The following XNDC1N variants were observed in gnomAD, a reference collection of about 807,000 sequenced individuals.
XNDC1N encodes protein XNDC1N.
the XNDC1N span, among the ~76,000 whole-genome samples, chr11:71,925,549 C>G: frequency 2.6e-5 from 4 of 152,160 alleles, no homozygotes; most frequent in African/African-American, 9.7e-5. Flanking sequence ...TTAAAGCTCA[C>G]TATTCCCACT....
At chr11:71,888,152 C>A in the XNDC1N span, among the ~76,000 whole-genome samples, 3 of 152,178 alleles carry the variant, frequency 2.0e-5, no homozygotes, top group Non-Finnish European at 2.9e-5. Flanking sequence ...CCTACACCGG[C>A]ACCTGGAGGA....
chr11:71,921,324 T>A, the XNDC1N span, among the ~76,000 whole-genome samples: 1 of 152,076 alleles, frequency 6.6e-6, no homozygotes, highest in Non-Finnish European at 1.5e-5. Context: ...AACTAACTTT[T>A]GTAGAGATGG....
the XNDC1N span, among the ~76,000 whole-genome samples, chr11:71,901,893 T>A: frequency 6.6e-6 from 1 of 152,002 alleles, no homozygotes; most frequent in African/African-American, 2.4e-5. Context: ...GAATTTTAGA[T>A]ATATTCCTTA....
the XNDC1N span, among the ~76,000 whole-genome samples, chr11:71,905,804 G>C: frequency 1.6e-3 from 239 of 152,116 alleles, no homozygotes; most frequent in African/African-American, 5.5e-3. Context: ...TACACCAACT[G>C]TGATATTAGG....
the XNDC1N span, among the ~76,000 whole-genome samples, chr11:71,905,664 TG>T: frequency 6.6e-6 from 1 of 151,974 alleles, no homozygotes; most frequent in African/African-American, 2.4e-5. Flanking sequence ...GTACACCCAC[TG>T]TGTTATTAGA....
the XNDC1N span, among the ~76,000 whole-genome samples, chr11:71,872,181 C>T: frequency 6.6e-6 from 1 of 152,014 alleles, no homozygotes; most frequent in Non-Finnish European, 1.5e-5. Context: ...ATATATAACC[C>T]CCACACTCCC....
the XNDC1N span, among the ~76,000 whole-genome samples, chr11:71,877,685 A>C: frequency 3.9e-4 from 60 of 152,344 alleles, no homozygotes; most frequent in African/African-American, 1.4e-3. Context: ...ACCCTCTTTA[A>C]GCATTCCCTA....
chr11:71,893,386 G>A, the XNDC1N span: 4 of 675,106 alleles, frequency 5.9e-6, no homozygotes, highest in Non-Finnish European at 5.5e-6. Flanking sequence ...CTTGTGAATT[G>A]CTTGCATCCA....
the XNDC1N span, chr11:71,884,373 A>T: frequency 6.5e-7 from 1 of 1,538,066 alleles, no homozygotes; most frequent in African/African-American, 1.4e-5. Context: ...AGTAAGTAAT[A>T]TTGTGTCATA....
chr11:71,883,343 T>C, the XNDC1N span, among the ~76,000 whole-genome samples: 74 of 152,242 alleles, frequency 4.9e-4, no homozygotes, highest in African/African-American at 1.7e-3. Flanking sequence ...TCAAAATGTA[T>C]TATAAAGATA....
the XNDC1N span, among the ~76,000 whole-genome samples, chr11:71,913,555 A>T: frequency 6.7e-6 from 1 of 150,306 alleles, no homozygotes; most frequent in Admixed American, 6.7e-5. Flanking sequence ...GCTACTCGGG[A>T]GGCTGAGGCA....
chr11:71,902,189 CT>C, the XNDC1N span, among the ~76,000 whole-genome samples: 7 of 152,084 alleles, frequency 4.6e-5, no homozygotes, highest in South Asian at 4.1e-4. Context: ...TTACTTGATT[CT>C]TTTTGTTTTT....
chr11:71,903,150 A>T, the XNDC1N span: 10 of 671,658 alleles, frequency 1.5e-5, no homozygotes, highest in Admixed American at 4.2e-5. Context: ...CCGATTTTTC[A>T]ACCCTCTTTT....
chr11:71,883,471 C>T, the XNDC1N span, among the ~76,000 whole-genome samples: 9 of 152,068 alleles, frequency 5.9e-5, no homozygotes, highest in South Asian at 2.1e-4. Flanking sequence ...AACAAACATG[C>T]GAAGAATATA....
chr11:71,894,656 C>G, the XNDC1N span, among the ~76,000 whole-genome samples: 1 of 152,186 alleles, frequency 6.6e-6, no homozygotes, highest in East Asian at 1.9e-4. Flanking sequence ...AGTTTCTGAG[C>G]AATAACCCTG....
the XNDC1N span, among the ~76,000 whole-genome samples, chr11:71,913,117 TGA>T: frequency 6.6e-6 from 1 of 152,080 alleles, no homozygotes; most frequent in Non-Finnish European, 1.5e-5. Flanking sequence ...TCTGCGATAT[TGA>T]GAGTCATATC....
At chr11:71,917,839 G>T in the XNDC1N span, 3 of 685,240 alleles carry the variant, frequency 4.4e-6, no homozygotes, top group Non-Finnish European at 8.0e-6. Flanking sequence ...AAGGAATACG[G>T]TGGAAGGAGG....
At chr11:71,868,153 C>T in the XNDC1N span, among the ~76,000 whole-genome samples, 2 of 152,120 alleles carry the variant, frequency 1.3e-5, 1 homozygote, top group African/African-American at 4.8e-5. Flanking sequence ...TTTCTTTGAG[C>T]CTTTACTTTG....
At chr11:71,902,046 CTT>C in the XNDC1N span, among the ~76,000 whole-genome samples, 1 of 152,052 alleles carries the variant, frequency 6.6e-6, no homozygotes, top group African/African-American at 2.4e-5. Flanking sequence ...AAGTGAGTCT[CTT>C]TGTTTTCTGA....
Sources: allele counts gnomAD v4.1 joint callset (sites outside exome capture counted in the v4.1 genomes callset), GRCh38; gene constraint gnomAD v4.1.1; transcripts MANE v1.5; gene names NCBI Gene and HGNC (gene_info 2026-07-23, HGNC 2026-07-21).